PRDM7: variants seen among roughly 807,000 people sequenced by gnomAD.
PRDM7 encodes histone-lysine N-methyltransferase PRDM7.
In PRDM7, 52 loss-of-function variants were observed where a neutral mutation model predicts 64.3. That is an observed-to-expected ratio of 0.81 (90% confidence interval 0.65 to 1.02). The LOEUF is 1.02. Among genes scored for constraint, PRDM7 ranks in the 50% least tolerant of loss-of-function variants. The pLI is 0.00. For missense variants in PRDM7, 574 were observed against 597.1 expected (o/e 0.96, Z 0.40); for synonymous variants, 192 against 210.1 (o/e 0.91, Z 0.74).
intron 10 of PRDM7, 76 bp downstream of exon 10, chr16:90,060,265 A>AGT: frequency 6.2e-7 from 1 of 1,609,284 alleles, no homozygotes. Flanking sequence ...TACTCTACTT[A>AGT]AGAGTTCAAT....
At chr16:90,068,254 G>C (rs561703930) in intron 4 of PRDM7, among the ~76,000 whole-genome samples, 1 of 150,566 alleles carries the variant, frequency 6.6e-6, no homozygotes, top group South Asian at 2.1e-4. Context: ...ACTCCAGCTT[G>C]GGCGACAGAG....
intron 6 of PRDM7, among the ~76,000 whole-genome samples, chr16:90,062,896 A>G (rs1034456121): frequency 1.3e-5 from 2 of 152,244 alleles, no homozygotes; most frequent in African/African-American, 4.8e-5. Context: ...TGTGATGGAA[A>G]AGGAAATGTA....
chr16:90,061,827 T>C, intron 8 of PRDM7, 94 bp downstream of exon 8: 1 of 1,565,296 alleles, frequency 6.4e-7, no homozygotes, highest in Non-Finnish European at 8.8e-7. Flanking sequence ...ATGTTATCCC[T>C]ACCTATATCC....
intron 4 of PRDM7, among the ~76,000 whole-genome samples, chr16:90,074,241 C>G (rs2038001590): frequency 6.6e-6 from 1 of 151,526 alleles, no homozygotes; most frequent in African/African-American, 2.4e-5. Flanking sequence ...GCCTGGGTGA[C>G]AGAGTGAGAC....
chr16:90,067,185 C>T (rs1466255011), intron 4 of PRDM7, among the ~76,000 whole-genome samples: 3 of 150,982 alleles, frequency 2.0e-5, no homozygotes, highest in Non-Finnish European at 2.9e-5. Flanking sequence ...ATGCTGGTCT[C>T]GAACTCCTGA....
In PRDM7 at chr16:90,058,244, G is replaced by A. The variant is rs373811724; in HGVS notation, c.*45C>T. On this transcript the variant is annotated 3_prime_UTR_variant, in exon 11 of 11. Transcript: ENST00000449207. ...GAGCTCCCCATTTGTCCTTTGGGTG[G>A]GCTAGAAAAGGCCCTTGAAATCTCC... is the stretch of plus-strand genomic sequence containing the variant. 7.9e-5 allele frequency: 127 copies of A among 1,614,024 alleles called. 1 individual carries two copies. The Middle Eastern group carries it at 0.012, about 149-fold the overall frequency.
intron 1 of PRDM7, 102 bp from the exon 2 acceptor site, chr16:90,076,097 CTGGG>C: frequency 1.5e-6 from 1 of 682,594 alleles, no homozygotes. Flanking sequence ...AGCAGGAAGA[CTGGG>C]TTCCTGGTGA....
Position 90,074,909 on chromosome 16 carries a change from C to G in PRDM7, c.301+7G>C, listed in dbSNP as rs1221761428. 6.2e-7 allele frequency: 1 copy of G among 1,613,668 alleles called. No homozygotes were observed. The highest frequency in any genetic ancestry group is 1.7e-5 in the Admixed American group (1 of 59,998). On this transcript the variant is annotated splice_region_variant and intron_variant, in intron 4 of 10. Coordinates refer to ENST00000449207, the MANE Select transcript of PRDM7 (RefSeq NM_001098173.2). ...AAAAAAAAAATCCTCCTTCCCTTCC[C>G]TCTTACCTTGCTGCCTAGGTGTCCA... is the stretch of plus-strand genomic sequence containing the variant.
intron 8 of PRDM7, among the ~76,000 whole-genome samples, 191 bp from the exon 9 acceptor site, chr16:90,061,710 G>A (rs2151306328): frequency 6.6e-6 from 1 of 152,306 alleles, no homozygotes; most frequent in South Asian, 2.1e-4. Context: ...CTCCAAAAGG[G>A]AGGATGCACT....
intron 1 of PRDM7, 91 bp from the exon 2 acceptor site, chr16:90,076,086 G>T: frequency 1.4e-6 from 1 of 732,414 alleles, no homozygotes; most frequent in South Asian, 1.8e-5. Context: ...GGGGTGTTCA[G>T]AGCAGGAAGA....
Position 90,060,437 on chromosome 16 carries a change from C to G in PRDM7, c.1137G>C (p.Gln379His). The change falls in exon 10 of 11, where the codon CAG becomes CAC. Residue 379 changes from glutamine (Q) to histidine (H), a missense_variant. Physicochemically the swap from Gln to His is conservative, Grantham distance 24. Coordinates refer to ENST00000449207, the MANE Select transcript of PRDM7 (RefSeq NM_001098173.2). ...CCATACCAGACCAGCAGTTCACAGC[C>G]TGGCCTAATGACTCGGCAGGTTCTA... Reference protein sequence around the residue: ...SSIEPAESLGQAVNCWSGMGM... With the variant: ...SSIEPAESLGHAVNCWSGMGM... 1 of 1,613,792 alleles carries G rather than the reference C, an allele frequency of 6.2e-7. No individual in the cohort carries two copies. Among genetic ancestry groups the G allele is most frequent in the Non-Finnish European group, 8.5e-7 (1 of 1,179,830 alleles).
rs756844091 is a variant in PRDM7, at chr16:90,060,501, C to A, written c.1073G>T (p.Gly358Val). ...RPGCELLVWS[G>V]DEYGQELGIR... is the part of the protein sequence containing the mutation. ...GCCCAGTTCCTGGCCATACTCATCC[C>A]CAGACCAGACCAGCAGTTCACAGCC... The change falls in exon 10 of 11, where the codon GGG becomes GTG. Residue 358 changes from glycine to valine, a missense_variant. Coordinates refer to ENST00000449207, the MANE Select transcript of PRDM7 (RefSeq NM_001098173.2). 17 of 1,613,918 alleles carry A rather than the reference C, an allele frequency of 1.1e-5. No individual in the cohort carries two copies. Among genetic ancestry groups the A allele is most frequent in the Admixed American group, 3.3e-5 (2 of 60,006 alleles).
rs1179209090 is a variant in PRDM7 at position 90,057,923 on chromosome 16, TCA to T, written c.*364_*365del. On this transcript the variant is annotated 3_prime_UTR_variant, in exon 11 of 11. Coordinates refer to ENST00000449207, the MANE Select transcript of PRDM7 (RefSeq NM_001098173.2). Reference sequence around the variant, plus strand: ...GACTGACTTCCGGCTAAAGCCCCGCTCACACTCTCTGCAGACATAAGGCTTCT... The same window carrying T: ...GACTGACTTCCGGCTAAAGCCCCGCTCACTCTCTGCAGACATAAGGCTTCT... 1 of 1,579,374 alleles carries T rather than the reference TCA, an allele frequency of 6.3e-7. No homozygotes were observed. The highest frequency in any genetic ancestry group is 8.6e-7 in the Non-Finnish European group (1 of 1,157,064).
chr16:90,062,830 A>G (rs1397368741), intron 6 of PRDM7, among the ~76,000 whole-genome samples: 1 of 152,250 alleles, frequency 6.6e-6, no homozygotes, highest in Non-Finnish European at 1.5e-5. Context: ...AGGCCTGGAC[A>G]TACAACACTA....
Position 90,062,120 on chromosome 16 carries a change from C to G in PRDM7, c.683G>C (p.Ser228Thr), listed in dbSNP as rs917347465. The G allele has an allele frequency of 6.2e-7, 1 of 1,614,264 alleles. No homozygotes were observed. Among genetic ancestry groups the G allele is most frequent in the South Asian group, 1.1e-5 (1 of 91,084 alleles). Reference sequence around the variant, plus strand: ...GTTGGGATGCCCCTTGTCCACTGCACTGTCCTTTACAAATGTAGGGGGCCC... The same window carrying G: ...GTTGGGATGCCCCTTGTCCACTGCAGTGTCCTTTACAAATGTAGGGGGCCC... ...AHGPPTFVKDSAVDKGHPNRS... is the reference protein window; with the variant it reads ...AHGPPTFVKDTAVDKGHPNRS... Residue 228 changes from serine (S) to threonine (T), a missense_variant, in exon 8 of 11, where the codon AGT (serine) becomes ACT (threonine). Physicochemically the swap from Ser to Thr is moderately conservative, Grantham distance 58 (BLOSUM62 1). Coordinates refer to ENST00000449207, the MANE Select transcript of PRDM7 (RefSeq NM_001098173.2).
intron 5 of PRDM7, among the ~76,000 whole-genome samples, chr16:90,065,618 C>T (rs1404978175): frequency 6.6e-6 from 1 of 150,542 alleles, no homozygotes; most frequent in Non-Finnish European, 1.5e-5. Context: ...GCCTGTGGTC[C>T]CAGCTACTCA....
At chr16:90,059,172 T>C (rs2037728330) in intron 10 of PRDM7, among the ~76,000 whole-genome samples, 1 of 152,180 alleles carries the variant, frequency 6.6e-6, no homozygotes, top group Admixed American at 6.5e-5. Context: ...GTGATTCAGG[T>C]TGGCCAACAC....
intron 5 of PRDM7, among the ~76,000 whole-genome samples, chr16:90,066,552 G>A (rs1425735054): frequency 6.6e-6 from 1 of 151,126 alleles, no homozygotes; most frequent in Non-Finnish European, 1.5e-5. Context: ...TTCCTAACCT[G>A]TAAAATGGCT....
At chr16:90,069,135 A>G (rs980415387) in intron 4 of PRDM7, among the ~76,000 whole-genome samples, 1 of 151,298 alleles carries the variant, frequency 6.6e-6, no homozygotes, top group African/African-American at 2.5e-5. Flanking sequence ...GTAATCAGAA[A>G]AGTATGGTAC....
Sources: allele counts gnomAD v4.1 joint callset (sites outside exome capture counted in the v4.1 genomes callset), GRCh38; gene constraint gnomAD v4.1.1; transcripts MANE v1.5; gene names NCBI Gene and HGNC (gene_info 2026-07-23, HGNC 2026-07-21).